The following PAN3 variants were observed in gnomAD, a reference collection of about 807,000 sequenced individuals.
PAN3 encodes the protein PAN2-PAN3 deadenylation complex subunit PAN3.
Under a neutral mutation model 96.2 loss-of-function variants are expected in PAN3, and 19 were observed. That is an observed-to-expected ratio of 0.20 (90% CI 0.14 to 0.29). The LOEUF (loss-of-function observed/expected upper bound fraction) is 0.29, where lower values mean the gene tolerates loss of function less well. PAN3 is among the 10% of genes least tolerant of loss of function. The pLI is 1.00. For missense variants in PAN3, 882 were observed against 1,108.1 expected (o/e 0.80, Z 2.90); for synonymous variants, 433 against 406.6 (o/e 1.06, Z -0.78).
chr13:28,141,736 T>C (rs1019503182), intron 1 of PAN3, among the ~76,000 whole-genome samples: 1 of 152,130 alleles, frequency 6.6e-6, no homozygotes, highest in Non-Finnish European at 1.5e-5. Context: ...TAGGGATTAC[T>C]GGCGGGAGCC....
At chr13:28,216,714 C>G (rs1037665249) in intron 5 of PAN3, among the ~76,000 whole-genome samples, 1 of 151,990 alleles carries the variant, frequency 6.6e-6, no homozygotes, top group Non-Finnish European at 1.5e-5. Context: ...TGTATGATAA[C>G]AATTTTTTTC....
chr13:28,215,581 C>G, intron 5 of PAN3: 1 of 770,090 alleles, frequency 1.3e-6, no homozygotes, highest in Non-Finnish European at 2.2e-6. Flanking sequence ...GCTGTCTATG[C>G]CCTTGTACTG....
intron 9 of PAN3, among the ~76,000 whole-genome samples, chr13:28,264,852 A>C (rs1181069651): frequency 6.6e-6 from 1 of 152,208 alleles, no homozygotes; most frequent in Non-Finnish European, 1.5e-5. Flanking sequence ...ATATTTTAAC[A>C]AGGCTTTAGG....
intron 4 of PAN3, among the ~76,000 whole-genome samples, chr13:28,179,377 AT>A (rs566053774): frequency 7.4e-4 from 112 of 152,294 alleles, no homozygotes; most frequent in African/African-American, 2.5e-3. Context: ...AAGTCTTTAA[AT>A]TTTCTTAGGT....
chr13:28,178,575 G>A (rs978170597), intron 4 of PAN3, among the ~76,000 whole-genome samples: 111 of 151,936 alleles, frequency 7.3e-4, no homozygotes, highest in African/African-American at 2.4e-3. Flanking sequence ...TTTTTGGTTA[G>A]GATCAGCAAC....
At position 28,174,260 on chromosome 13, in the gene PAN3, CT is replaced by C. The variant is rs1181343426; in HGVS notation, c.431-10del. The C allele has an allele frequency of 6.2e-7, 1 of 1,604,000 alleles. No homozygotes were observed. Among genetic ancestry groups the C allele is most frequent in the Non-Finnish European group, 8.5e-7 (1 of 1,174,964 alleles). ...AATAATTTTAAATACTTGAATTTTC[CT>C]TCTCTTTCAGTTCCAGGAATGGATG... On this transcript the variant is annotated splice_polypyrimidine_tract_variant and intron_variant, in intron 1 of 18. Coordinates refer to ENST00000380958, the MANE Select transcript of PAN3 (RefSeq NM_175854.8).
At chr13:28,145,315 T>C (rs1317680022) in intron 1 of PAN3, among the ~76,000 whole-genome samples, 1 of 152,092 alleles carries the variant, frequency 6.6e-6, no homozygotes, top group African/African-American at 2.4e-5. Flanking sequence ...TGGCTTTCAA[T>C]TTTTTGACTT....
chr13:28,196,637 T>C (rs1878092111), intron 4 of PAN3, among the ~76,000 whole-genome samples: 1 of 152,024 alleles, frequency 6.6e-6, no homozygotes, highest in South Asian at 2.1e-4. Context: ...TGTACTCAAG[T>C]CTAACGTGCA....
intron 4 of PAN3, among the ~76,000 whole-genome samples, chr13:28,186,293 G>T (rs1203389585): frequency 6.6e-6 from 1 of 152,166 alleles, no homozygotes; most frequent in African/African-American, 2.4e-5. Flanking sequence ...TGATTTCTTT[G>T]AGTTGGATAT....
rs1393977973 is a variant in PAN3 at position 28,287,993 on chromosome 13, G to A, written c.2394G>A (p.Lys798=). 1.2e-6 allele frequency: 2 copies of A among 1,608,092 alleles called. No homozygotes were observed. Among genetic ancestry groups the A allele is most frequent in the African/African-American group, 2.7e-5 (2 of 74,482 alleles). The part of the protein sequence containing the change: ...GTINERPEFQ[K]DPTWSETGDR... ...TGTTCATTTCCCCCAGGTTTCAGAA[G>A]GATCCCACTTGGTCAGAGACTGGAG... Residue 798 remains lysine, a synonymous_variant, in exon 18 of 19, where the codon AAG becomes AAA. Coordinates refer to ENST00000380958, the MANE Select transcript of PAN3 (RefSeq NM_175854.8).
chr13:28,273,179 A>G (rs1011419584), intron 14 of PAN3, among the ~76,000 whole-genome samples: 4 of 152,152 alleles, frequency 2.6e-5, no homozygotes, highest in African/African-American at 9.7e-5. Flanking sequence ...GTATTTGATT[A>G]TTGTCTGACT....
chr13:28,204,427 C>T (rs1172143487), intron 5 of PAN3, among the ~76,000 whole-genome samples: 1 of 152,148 alleles, frequency 6.6e-6, no homozygotes, highest in Non-Finnish European at 1.5e-5. Flanking sequence ...AATTTCCAAG[C>T]ACATAATAGA....
chr13:28,245,650 CTG>C (rs752581719), intron 6 of PAN3, among the ~76,000 whole-genome samples: 3 of 152,142 alleles, frequency 2.0e-5, no homozygotes, highest in Non-Finnish European at 4.4e-5. Context: ...CAAAAGGAAA[CTG>C]TATCTGTTAA....
intron 5 of PAN3, among the ~76,000 whole-genome samples, chr13:28,204,461 A>G (rs900038366): frequency 6.6e-6 from 1 of 152,186 alleles, no homozygotes; most frequent in Non-Finnish European, 1.5e-5. Flanking sequence ...TCCATTGTCC[A>G]GTTTTACCTT....
chr13:28,152,757 T>A (rs1871534316), intron 1 of PAN3, among the ~76,000 whole-genome samples: 1 of 152,188 alleles, frequency 6.6e-6, no homozygotes, highest in African/African-American at 2.4e-5. Context: ...TTCAGAAAAC[T>A]CTGGCAGTTT....
At chr13:28,262,462 G>T (rs888482329) in intron 9 of PAN3, among the ~76,000 whole-genome samples, 1 of 152,296 alleles carries the variant, frequency 6.6e-6, no homozygotes, top group Admixed American at 6.5e-5. Flanking sequence ...AGAATTAAAA[G>T]AAATATGTCT....
chr13:28,238,632 T>C (rs1883319195), intron 6 of PAN3, among the ~76,000 whole-genome samples: 1 of 152,216 alleles, frequency 6.6e-6, no homozygotes, highest in African/African-American at 2.4e-5. Context: ...TTGATACTTT[T>C]TTTAATGAAA....
intron 1 of PAN3, among the ~76,000 whole-genome samples, chr13:28,152,269 C>T (rs796066868): frequency 6.6e-6 from 1 of 152,098 alleles, no homozygotes; most frequent in Admixed American, 6.6e-5. Flanking sequence ...CTCTCTATCC[C>T]CTGCTATATG....
At chr13:28,234,580 C>T (rs1882905013) in intron 6 of PAN3, among the ~76,000 whole-genome samples, 2 of 152,066 alleles carry the variant, frequency 1.3e-5, no homozygotes, top group African/African-American at 4.8e-5. Context: ...CTCTTAATTG[C>T]CTTAGGAAAG....
Sources: gnomAD v4.1 joint callset for allele counts (sites outside exome capture counted in the v4.1 genomes callset) on GRCh38, gnomAD v4.1.1 for gene constraint, MANE v1.5 for transcripts, NCBI Gene and HGNC (gene_info 2026-07-23, HGNC 2026-07-21) for gene names.